The following NLGN1 variants were observed in gnomAD, a reference collection of about 807,000 sequenced individuals.
The protein encoded by NLGN1 is neuroligin 1, also known as neuroligin-1.
NLGN1 carries 12 observed loss-of-function variants against 65.5 expected under a neutral mutation model. The observed-to-expected ratio is 0.18, with a 90% confidence interval of 0.12 to 0.30. NLGN1 has a LOEUF of 0.30. NLGN1 is among the 10% of genes least tolerant of loss of function. The probability of loss-of-function intolerance (pLI) is 1.00; values close to 1 mark genes in which losing one functional copy is unlikely to be tolerated. For synonymous variants in NLGN1, 350 were observed against 359.5 expected, an observed-to-expected ratio of 0.97 and a Z score of 0.30; for missense variants, 750 against 1,007.1, an observed-to-expected ratio of 0.74 and a Z score of 3.46.
At chr3:174,085,486 C>G (rs552521594) in intron 4 of NLGN1, among the ~76,000 whole-genome samples, 1 of 152,096 alleles carries the variant, frequency 6.6e-6, no homozygotes, top group African/African-American at 2.4e-5. Context: ...TTTCTCCTTT[C>G]CTGGTACTCC....
At chr3:173,969,682 A>G (rs1305498119) in intron 4 of NLGN1, among the ~76,000 whole-genome samples, 2 of 152,134 alleles carry the variant, frequency 1.3e-5, no homozygotes, top group African/African-American at 4.8e-5. Context: ...CCAATATTCT[A>G]TGCTGTTGAA....
chr3:173,860,470 A>G (rs372509919), intron 4 of NLGN1, among the ~76,000 whole-genome samples: 53 of 152,298 alleles, frequency 3.5e-4, no homozygotes, highest in African/African-American at 1.2e-3. Flanking sequence ...GTTCCATTAT[A>G]GTTATTAACT....
intron 4 of NLGN1, among the ~76,000 whole-genome samples, chr3:173,886,717 T>G (rs945429133): frequency 1.3e-5 from 2 of 152,142 alleles, no homozygotes; most frequent in Middle Eastern, 3.4e-3. Context: ...GTCATAAAAT[T>G]TCACCTTGGT....
intron 2 of NLGN1, among the ~76,000 whole-genome samples, chr3:173,461,767 A>T (rs1359749236): frequency 2.0e-5 from 3 of 152,076 alleles, no homozygotes; most frequent in Non-Finnish European, 2.9e-5. Context: ...TACAAAAAAA[A>T]TCTCTCTTCT....
intron 4 of NLGN1, among the ~76,000 whole-genome samples, chr3:173,970,664 C>A (rs1319199375): frequency 1.3e-5 from 2 of 152,114 alleles, no homozygotes; most frequent in African/African-American, 4.8e-5. Flanking sequence ...CTAAAAGGAG[C>A]TGCCTAAATC....
chr3:173,878,320 G>A (rs185002024), intron 4 of NLGN1, among the ~76,000 whole-genome samples: 13 of 152,228 alleles, frequency 8.5e-5, no homozygotes, highest in Non-Finnish European at 1.9e-4. Context: ...GATTACAGGC[G>A]TGAGCCACTG....
intron 4 of NLGN1, among the ~76,000 whole-genome samples, chr3:174,005,767 C>T (rs1724236200): frequency 6.6e-6 from 1 of 151,682 alleles, no homozygotes; most frequent in African/African-American, 2.4e-5. Context: ...TATATGTATT[C>T]CTGAGTGAGG....
At chr3:174,263,361 G>A (rs1561420585) in intron 4 of NLGN1, among the ~76,000 whole-genome samples, 3 of 147,822 alleles carry the variant, frequency 2.0e-5, no homozygotes, top group Admixed American at 6.7e-5. Context: ...ATGAATCTGG[G>A]TGCTCCTGTA....
chr3:174,011,280 A>G (rs1467793853), intron 4 of NLGN1, among the ~76,000 whole-genome samples: 4 of 152,082 alleles, frequency 2.6e-5, no homozygotes, highest in Non-Finnish European at 4.4e-5. Flanking sequence ...AATTGGCTTT[A>G]GTGTTTGTTG....
intron 2 of NLGN1, among the ~76,000 whole-genome samples, chr3:173,570,592 C>G (rs551664868): frequency 6.6e-6 from 1 of 152,190 alleles, no homozygotes; most frequent in East Asian, 1.9e-4. Flanking sequence ...GCCCTCCCCC[C>G]AATGGGTGCT....
intron 4 of NLGN1, among the ~76,000 whole-genome samples, chr3:174,182,603 G>C (rs999420439): frequency 2.6e-5 from 4 of 152,228 alleles, no homozygotes; most frequent in Non-Finnish European, 5.9e-5. Context: ...GGTGCCACTG[G>C]TCTGTAGGCC....
intron 3 of NLGN1, among the ~76,000 whole-genome samples, chr3:173,630,441 A>G (rs187288119): frequency 1.3e-5 from 2 of 149,066 alleles, no homozygotes; most frequent in Non-Finnish European, 3.0e-5. Flanking sequence ...CTAAGAATTT[A>G]AAAAAAAAAG....
chr3:173,828,884 A>C (rs1172577385), intron 4 of NLGN1, among the ~76,000 whole-genome samples: 2 of 151,944 alleles, frequency 1.3e-5, no homozygotes, highest in African/African-American at 4.8e-5. Flanking sequence ...GAGTAGGGTA[A>C]TGGCAAATGT....
At chr3:173,971,437 G>T (rs565970577) in intron 4 of NLGN1, among the ~76,000 whole-genome samples, 8 of 152,140 alleles carry the variant, frequency 5.3e-5, no homozygotes, top group African/African-American at 1.9e-4. Flanking sequence ...AGAGGATGAT[G>T]ATGATGATGA....
At chr3:174,187,751 T>C in intron 4 of NLGN1, among the ~76,000 whole-genome samples, 1 of 151,960 alleles carries the variant, frequency 6.6e-6, no homozygotes, top group East Asian at 1.9e-4. Context: ...TGGCACAAAA[T>C]AAATGGTCTC....
At chr3:173,402,111 A>T (rs1007238121) in intron 1 of NLGN1, among the ~76,000 whole-genome samples, 1 of 152,172 alleles carries the variant, frequency 6.6e-6, no homozygotes, top group African/African-American at 2.4e-5. Context: ...TTTCTTTCTA[A>T]TGCTTGTATT....
intron 4 of NLGN1, among the ~76,000 whole-genome samples, chr3:174,053,010 T>C (rs1218114337): frequency 2.0e-5 from 3 of 151,996 alleles, no homozygotes; most frequent in African/African-American, 7.2e-5. Flanking sequence ...AATGATGTTA[T>C]TTGCACTCCA....
At chr3:173,400,562 C>T (rs1717485397) in intron 1 of NLGN1, among the ~76,000 whole-genome samples, 1 of 152,128 alleles carries the variant, frequency 6.6e-6, no homozygotes, top group Non-Finnish European at 1.5e-5. Context: ...CCCACCCCAC[C>T]AAATATACAC....
At chr3:173,559,747 T>C (rs1448067810) in intron 2 of NLGN1, among the ~76,000 whole-genome samples, 3 of 152,176 alleles carry the variant, frequency 2.0e-5, no homozygotes, top group African/African-American at 7.2e-5. Context: ...TATCTTAATA[T>C]ATGTTTTATT....
Sources: gnomAD v4.1 joint callset for allele counts (sites outside exome capture counted in the v4.1 genomes callset) on GRCh38, gnomAD v4.1.1 for gene constraint, MANE v1.5 for transcripts, NCBI Gene and HGNC (gene_info 2026-07-23, HGNC 2026-07-21) for gene names.